Variants in FRMPD2 observed in about 807,000 individuals in gnomAD.
FRMPD2 encodes the protein FERM and PDZ domain-containing protein 2.
Under a neutral mutation model 140.1 loss-of-function variants are expected in FRMPD2, and 96 were observed. The ratio of observed to expected loss-of-function variants is 0.69; its 90% confidence interval spans 0.58 to 0.81. FRMPD2 has a LOEUF of 0.81. FRMPD2 is among the 40% of genes least tolerant of loss of function. FRMPD2 has a pLI of 0.00. For synonymous variants in FRMPD2, 449 were observed against 547.6 expected, an observed-to-expected ratio of 0.82 and a Z score of 2.52; for missense variants, 1,240 against 1,447.4, an observed-to-expected ratio of 0.86 and a Z score of 2.32.
chr10:48,231,779 G>T lies in FRMPD2; in HGVS notation c.1168+336C>A, dbSNP rs115732652. Among the ~76,000 whole-genome samples the T allele has an allele frequency of 8.3e-3, 1,262 of 152,170 alleles. 18 individuals carry two copies. The highest frequency in any genetic ancestry group is 0.029 in the African/African-American group (1,192 of 41,502). On this transcript the variant is annotated intron_variant, in intron 10 of 28. Coordinates refer to ENST00000374201, the MANE Select transcript of FRMPD2 (RefSeq NM_001018071.4). ...AGTCTTAATTAGCTCCTAGGGTCAG[G>T]GTACTAAGTCCCCATTAGTCCTGCA... is the stretch of plus-strand genomic sequence containing the variant.
At chr10:48,205,641 C>T (rs1302415731) in intron 14 of FRMPD2, among the ~76,000 whole-genome samples, 1 of 151,938 alleles carries the variant, frequency 6.6e-6, no homozygotes, top group Non-Finnish European at 1.5e-5. Context: ...CTGAAAAATT[C>T]ACAAATATGA....
intron 1 of FRMPD2, among the ~76,000 whole-genome samples, chr10:48,270,555 A>G (rs1260540627): frequency 1.3e-5 from 2 of 152,094 alleles, no homozygotes. Context: ...AAATCACTCT[A>G]CATGCTCCAA....
intron 23 of FRMPD2, chr10:48,175,158 T>A: frequency 2.1e-6 from 1 of 469,880 alleles, no homozygotes; most frequent in Non-Finnish European, 3.9e-6. Flanking sequence ...ACATCACAGA[T>A]CAGGGATATA....
At chr10:48,170,344 G>A (rs1471323920) in intron 26 of FRMPD2, among the ~76,000 whole-genome samples, 27 of 152,238 alleles carry the variant, frequency 1.8e-4, no homozygotes, top group African/African-American at 5.8e-4. Context: ...TCATGCCAGC[G>A]AGTCCCCTCC....
chr10:48,206,512 G>A (rs1280585688), intron 14 of FRMPD2, among the ~76,000 whole-genome samples: 2 of 152,160 alleles, frequency 1.3e-5, no homozygotes, highest in Non-Finnish European at 2.9e-5. Flanking sequence ...GATATGTGGA[G>A]GTCCAGGCAA....
At chr10:48,271,206 C>T (rs1427627109) in intron 1 of FRMPD2, among the ~76,000 whole-genome samples, 2 of 152,180 alleles carry the variant, frequency 1.3e-5, no homozygotes, top group African/African-American at 4.8e-5. Flanking sequence ...CCCCTTGCCT[C>T]CTGTCCTTCT....
At chr10:48,181,887 T>TACACACACACACACACACACAC (rs56127751) in intron 20 of FRMPD2, among the ~76,000 whole-genome samples, 1 of 111,522 alleles carries the variant, frequency 9.0e-6, no homozygotes, top group Non-Finnish European at 1.9e-5. Flanking sequence ...ATGGCTCTCA[T>TACACACACACACACACACACAC]ACACACACAC....
intron 14 of FRMPD2, among the ~76,000 whole-genome samples, chr10:48,201,898 T>A (rs1350086027): frequency 6.6e-6 from 1 of 151,486 alleles, no homozygotes; most frequent in Non-Finnish European, 1.5e-5. Flanking sequence ...AACTACAGAA[T>A]AAGAGAGATT....
rs1456035728 is a variant in FRMPD2, at chr10:48,185,587, A to G, written c.2325T>C (p.Arg775=). 15 of 1,614,088 alleles carry G rather than the reference A, an allele frequency of 9.3e-6. No individual in the cohort carries two copies. The highest frequency in any genetic ancestry group is 1.7e-5 in the Admixed American group (1 of 60,018). ...GATGTGGGTCACGTTTCAGTGTCAC[A>G]CGTACAATTTCTCGGCCCGGTTCAG... The part of the protein sequence containing the change: ...FIAEPGREIV[R]VTLKRDPHRG... The change falls in exon 18 of 29, where the codon CGT becomes CGC. Residue 775 remains arginine, a synonymous_variant. Transcript: ENST00000374201.
At chr10:48,176,530 G>A (rs1231846160) in intron 22 of FRMPD2, among the ~76,000 whole-genome samples, 1 of 150,864 alleles carries the variant, frequency 6.6e-6, no homozygotes, top group Non-Finnish European at 1.5e-5. Flanking sequence ...TCACGGGTTT[G>A]AGTGTTTTTC....
intron 12 of FRMPD2, among the ~76,000 whole-genome samples, chr10:48,212,463 C>T (rs1839350610): frequency 6.6e-6 from 1 of 152,192 alleles, no homozygotes; most frequent in African/African-American, 2.4e-5. Flanking sequence ...GCGAAGATCA[C>T]ACCACTTGGA....
chr10:48,250,391 A>ATTTTCT (rs1342746378), intron 2 of FRMPD2, among the ~76,000 whole-genome samples: 13 of 151,970 alleles, frequency 8.6e-5, no homozygotes, highest in African/African-American at 2.7e-4. Flanking sequence ...ACCCACTAGC[A>ATTTTCT]TTTTCTTTTT....
At chr10:48,200,267 C>A (rs551867794) in intron 15 of FRMPD2, among the ~76,000 whole-genome samples, 1 of 152,094 alleles carries the variant, frequency 6.6e-6, no homozygotes, top group African/African-American at 2.4e-5. Context: ...GAAGAACCAC[C>A]CTTCTGTTTA....
At chr10:48,236,250 G>A (rs1839964331) in intron 9 of FRMPD2, among the ~76,000 whole-genome samples, 1 of 152,122 alleles carries the variant, frequency 6.6e-6, no homozygotes. Flanking sequence ...TTCCCTAGCT[G>A]AGGCTGGGAG....
intron 26 of FRMPD2, among the ~76,000 whole-genome samples, chr10:48,169,734 A>G (rs2132401772): frequency 1.0e-5 from 1 of 98,024 alleles, no homozygotes. Context: ...AGAAGCACTC[A>G]TCAGTTGTGA....
chr10:48,237,290 A>C (rs77683935), intron 8 of FRMPD2, among the ~76,000 whole-genome samples: 1 of 152,304 alleles, frequency 6.6e-6, no homozygotes, highest in African/African-American at 2.4e-5. Flanking sequence ...AAGAGTTCCC[A>C]ATAGAAGTAT....
chr10:48,237,864 C>T, intron 8 of FRMPD2, 127 bp downstream of exon 8: 2 of 1,158,172 alleles, frequency 1.7e-6, no homozygotes, highest in Admixed American at 3.7e-5. Flanking sequence ...TAGTCCAATC[C>T]TATAAACCTC....
chr10:48,248,381 A>G (rs1840301888), intron 3 of FRMPD2, among the ~76,000 whole-genome samples: 1 of 152,206 alleles, frequency 6.6e-6, no homozygotes, highest in Non-Finnish European at 1.5e-5. Context: ...ATCACCGCAG[A>G]CACTTTGGTG....
At chr10:48,226,828 C>T (rs1033628772) in intron 10 of FRMPD2, among the ~76,000 whole-genome samples, 2 of 152,210 alleles carry the variant, frequency 1.3e-5, no homozygotes, top group Non-Finnish European at 2.9e-5. Context: ...CCACATAAAA[C>T]ATTTATTATG....
Sources: allele counts gnomAD v4.1 joint callset (sites outside exome capture counted in the v4.1 genomes callset), GRCh38; gene constraint gnomAD v4.1.1; transcripts MANE v1.5; gene names NCBI Gene and HGNC (gene_info 2026-07-23, HGNC 2026-07-21).